OSBPL10: variants seen among roughly 807,000 people sequenced by gnomAD.
OSBPL10 encodes the protein oxysterol binding protein like 10, also known as oxysterol-binding protein-related protein 10.
In OSBPL10, 49 loss-of-function variants were observed where a neutral mutation model predicts 81.7. The observed-to-expected ratio is 0.60, with a 90% CI of 0.48 to 0.76. The LOEUF is 0.76. OSBPL10 is among the 30% of genes least tolerant of loss of function. OSBPL10 has a pLI of 0.00. For synonymous variants in OSBPL10, 419 were observed against 383.6 expected (o/e 1.09, Z -1.08); for missense variants, 923 against 987.8 (o/e 0.93, Z 0.88).
intron 4 of OSBPL10, among the ~76,000 whole-genome samples, chr3:31,774,186 C>A (rs72859689): frequency 0.066 from 9,446 of 143,940 alleles, 520 homozygotes; most frequent in African/African-American, 0.17. Flanking sequence ...AAAAGAAAGA[C>A]AGACTGAAAA....
intron 1 of OSBPL10, among the ~76,000 whole-genome samples, chr3:31,935,680 C>T (rs911871697): frequency 4.6e-5 from 7 of 151,952 alleles, no homozygotes; most frequent in Non-Finnish European, 1.0e-4. Context: ...ACCCCCACCA[C>T]GCCCGGCTAA....
At chr3:31,679,666 T>C (rs1700585970) in intron 8 of OSBPL10, among the ~76,000 whole-genome samples, 2 of 152,186 alleles carry the variant, frequency 1.3e-5, no homozygotes, top group Non-Finnish European at 2.9e-5. Flanking sequence ...ATTTATTATG[T>C]GGGAAATTTA....
rs368014515 is a variant in OSBPL10, at chr3:32,053,856, C to T, written n.186-7253G>A. On this transcript the variant is annotated intron_variant and non_coding_transcript_variant, in intron 1 of 3. Transcript: ENST00000479173. The stretch of plus-strand genomic sequence containing the variant: ...GGGTGTAGTGGCATGTGCCTGTAAT[C>T]TCAAGGCTGAGGCAAGAGAATCACT... Among the ~76,000 whole-genome samples, 5 of 152,108 alleles carry T rather than the reference C, an allele frequency of 3.3e-5. No homozygotes were observed. The South Asian group carries it at 6.2e-4, about 19-fold the overall frequency.
intron 1 of OSBPL10, among the ~76,000 whole-genome samples, chr3:31,900,173 G>A (rs190222895): frequency 4.0e-5 from 6 of 151,406 alleles, no homozygotes; most frequent in Admixed American, 6.6e-5. Flanking sequence ...ACAGGCACAC[G>A]CCACCATGCC....
intron 1 of OSBPL10, among the ~76,000 whole-genome samples, chr3:31,942,136 G>A (rs1328886948): frequency 6.6e-6 from 1 of 152,116 alleles, no homozygotes; most frequent in Non-Finnish European, 1.5e-5. Flanking sequence ...TTAGCTGGGC[G>A]TGACGGCAGG....
At chr3:31,814,761 C>G (rs1176554191) in intron 4 of OSBPL10, among the ~76,000 whole-genome samples, 2 of 152,152 alleles carry the variant, frequency 1.3e-5, no homozygotes, top group Admixed American at 6.5e-5. Context: ...CTTGGTTGTA[C>G]AGCGTATTAA....
intron 1 of OSBPL10, among the ~76,000 whole-genome samples, chr3:31,884,616 G>A (rs537896077): frequency 4.6e-5 from 7 of 152,192 alleles, no homozygotes; most frequent in Non-Finnish European, 7.3e-5. Flanking sequence ...ACTGCTGTTA[G>A]GAGCACGCAG....
intron 3 of OSBPL10, among the ~76,000 whole-genome samples, chr3:31,845,143 G>A (rs1467362659): frequency 6.6e-6 from 1 of 151,794 alleles, no homozygotes; most frequent in Non-Finnish European, 1.5e-5. Flanking sequence ...TTTTTTTAAT[G>A]AAAATAAAAA....
intron 4 of OSBPL10, among the ~76,000 whole-genome samples, chr3:31,750,136 C>T (rs931306481): frequency 2.6e-5 from 4 of 151,558 alleles, no homozygotes; most frequent in Non-Finnish European, 5.9e-5. Context: ...AAGCTGAGAT[C>T]GCGCCACTGC....
intron 8 of OSBPL10, among the ~76,000 whole-genome samples, chr3:31,683,120 G>C (rs1700696147): frequency 6.6e-6 from 1 of 152,232 alleles, no homozygotes; most frequent in African/African-American, 2.4e-5. Context: ...GCTAAAATAA[G>C]AATGTGTGAT....
At chr3:31,965,763 A>T (rs1057178229) in intron 1 of OSBPL10, among the ~76,000 whole-genome samples, 15 of 59,184 alleles carry the variant, frequency 2.5e-4, no homozygotes, top group South Asian at 6.6e-4. Context: ...ATTATATTAA[A>T]AGATAATATA....
chr3:31,838,291 A>G (rs984310289), intron 3 of OSBPL10, among the ~76,000 whole-genome samples: 1 of 152,100 alleles, frequency 6.6e-6, no homozygotes, highest in Admixed American at 6.6e-5. Flanking sequence ...TGGGCGGATC[A>G]TGAGGTCAGG....
intron 7 of OSBPL10, among the ~76,000 whole-genome samples, chr3:31,698,881 T>A (rs1441467839): frequency 6.6e-6 from 1 of 152,142 alleles, no homozygotes; most frequent in Non-Finnish European, 1.5e-5. Flanking sequence ...TTATACTTCA[T>A]CTCCATCTCC....
intron 2 of OSBPL10, among the ~76,000 whole-genome samples, chr3:32,044,311 G>C (rs1002568275): frequency 2.0e-5 from 3 of 150,056 alleles, no homozygotes; most frequent in Non-Finnish European, 4.4e-5. Context: ...GATCACTTCT[G>C]GCTAAACCTT....
chr3:31,923,765 T>C lies in OSBPL10; in HGVS notation c.282-43935A>G, dbSNP rs1331116744. ...TTGTGCCATTGCACTCCAGCCTCAA[T>C]GACAGAGCGAGATCCTGTCTCTAAA... is the stretch of plus-strand genomic sequence containing the variant. On this transcript the variant is annotated intron_variant, in intron 1 of 11. Transcript: ENST00000396556. Among the ~76,000 whole-genome samples the C allele has an allele frequency of 3.3e-5, 5 of 152,258 alleles. No individual in the cohort carries two copies. In the East Asian group the frequency reaches 9.7e-4, roughly 29 times the overall value.
chr3:31,755,629 A>C (rs1697863456), intron 4 of OSBPL10, among the ~76,000 whole-genome samples: 1 of 152,206 alleles, frequency 6.6e-6, no homozygotes, highest in South Asian at 2.1e-4. Flanking sequence ...TGGCATTTTG[A>C]AGTTCAACAA....
At chr3:31,774,398 G>A (rs1057300386) in intron 4 of OSBPL10, among the ~76,000 whole-genome samples, 25 of 152,192 alleles carry the variant, frequency 1.6e-4, no homozygotes, top group African/African-American at 4.3e-4. Context: ...GCAGGCGAGC[G>A]GAGTGTCGAG....
rs779879535 is a variant in OSBPL10 at position 31,664,219 on chromosome 3, C to G, written c.2110G>C (p.Glu704Gln). ...GPMESRNLWR[E>Q]VTRYLRLGDI... is the part of the protein sequence containing the mutation. ...CCCAGCCGCAGGTATCGGGTCACCT[C>G]CCGCCAGAGGTTCCTGGGGATGCGT... Residue 704 changes from glutamate (E) to glutamine (Q), a missense_variant, in exon 11 of 12, where the codon GAG becomes CAG. Transcript: ENST00000396556. 6.2e-7 allele frequency: 1 copy of G among 1,612,350 alleles called. No homozygotes were observed. Among genetic ancestry groups the G allele is most frequent in the East Asian group, 2.2e-5 (1 of 44,868 alleles).
At chr3:32,039,040 AGG>A (rs778188123) in intron 2 of OSBPL10, among the ~76,000 whole-genome samples, 11 of 152,044 alleles carry the variant, frequency 7.2e-5, no homozygotes, top group Non-Finnish European at 1.0e-4. Context: ...GTTTATAAAG[AGG>A]GTCAGGGCAT....
Sources: gnomAD v4.1 joint callset for allele counts (sites outside exome capture counted in the v4.1 genomes callset) on GRCh38, gnomAD v4.1.1 for gene constraint, MANE v1.5 for transcripts, NCBI Gene and HGNC (gene_info 2026-07-23, HGNC 2026-07-21) for gene names.